Variants in POU2F1 observed in about 807,000 individuals in gnomAD.
POU2F1 encodes the protein POU domain, class 2, transcription factor 1.
Under a neutral mutation model 84.9 loss-of-function variants are expected in POU2F1, and 16 were observed. The ratio of observed to expected loss-of-function variants is 0.19; its 90% CI spans 0.13 to 0.29. The LOEUF is 0.29. POU2F1 is among the 10% of genes least tolerant of loss of function. The pLI is 1.00. For missense variants in POU2F1, 738 were observed against 942.6 expected (o/e 0.78, Z 2.84); for synonymous variants, 368 against 368.3 (o/e 1.00, Z 0.01).
rs557771674 is a variant in POU2F1, at chr1:167,414,616, G to C, written c.1991-884G>C. 6.0e-5 allele frequency: 59 copies of C among 985,368 alleles called. No individual in the cohort carries two copies. In the African/African-American group the frequency reaches 9.4e-4, roughly 16 times the overall value. 61.0% of individuals were successfully genotyped at this position (985,368 alleles called of 1,614,324 possible). A position where few individuals can be genotyped will look rare whatever the true frequency, so the allele number is the denominator to read the frequency against. The stretch of plus-strand genomic sequence containing the variant: ...CGATTATTTTAAATAAAATGTTGAT[G>C]ATGCCTTCTTTGGGGAAGCAACAGC... On this transcript the variant is annotated intron_variant, in intron 15 of 15. Transcript: ENST00000367866.
chr1:167,275,042 T>TG (rs2102480379), intron 1 of POU2F1, among the ~76,000 whole-genome samples: 1 of 150,126 alleles, frequency 6.7e-6, no homozygotes, highest in African/African-American at 2.5e-5. Context: ...ATTTTTTTTT[T>TG]TTTTTTTTTT....
rs985863998 is a variant in POU2F1 at position 167,239,077 on chromosome 1, CT to C, written c.61+18126del. ...TGGTGTAAGGTGTAACCCTGACAAA[CT>C]TTTTTTCCCCCCCAAATGGACAGCC... is the stretch of plus-strand genomic sequence containing the variant. On this transcript the variant is annotated intron_variant, in intron 1 of 15. Coordinates refer to ENST00000367866, the MANE Select transcript of POU2F1 (RefSeq NM_002697.4). Among the ~76,000 whole-genome samples, 480 of 152,222 alleles carry C rather than the reference CT, an allele frequency of 3.2e-3. 2 individuals are homozygous for C. Among genetic ancestry groups the C allele is most frequent in the African/African-American group, 0.01 (435 of 41,522 alleles).
At chr1:167,311,752 A>G (rs1655487175) in intron 1 of POU2F1, among the ~76,000 whole-genome samples, 2 of 151,172 alleles carry the variant, frequency 1.3e-5, no homozygotes, top group South Asian at 2.1e-4. Flanking sequence ...TTAAGCTACT[A>G]TGGGTTATTA....
chr1:167,416,087 T>TAAAAAAAAAAAAAAAAAAAAAAAAAAAA lies in POU2F1; in HGVS notation c.*296_*297insAAAAAAAAAAAAAAAAAAAAAAAAAAAA. 2 of 351,044 alleles carry TAAAAAAAAAAAAAAAAAAAAAAAAAAAA rather than the reference T, an allele frequency of 5.7e-6. No homozygotes were observed. The highest frequency in any genetic ancestry group is 1.6e-4 in the East Asian group (2 of 12,468). The allele number at this position is 351,044 out of a possible 1,614,324, so 21.7% of individuals were successfully genotyped here. Reference sequence around the variant, plus strand: ...ATTGGAGAACTTTCTAACCAAAAATTAAAAAAAAAAAAAAAAAAAGAAACA... The same window carrying TAAAAAAAAAAAAAAAAAAAAAAAAAAAA: ...ATTGGAGAACTTTCTAACCAAAAATTAAAAAAAAAAAAAAAAAAAAAAAAAAAAAAAAAAAAAAAAAAAAAAAGAAACA... On this transcript the variant is annotated 3_prime_UTR_variant, in exon 16 of 16. Transcript: ENST00000367866.
chr1:167,393,039 C>T (rs879508248), intron 9 of POU2F1, among the ~76,000 whole-genome samples: 19 of 152,148 alleles, frequency 1.2e-4, no homozygotes, highest in Admixed American at 1.2e-3. Context: ...GCTGTCTTTG[C>T]ATAATTAGAA....
intron 1 of POU2F1, chr1:167,329,415 G>A: frequency 4.6e-6 from 6 of 1,317,394 alleles, no homozygotes; most frequent in African/African-American, 1.5e-5. Context: ...GGCGGGGGAG[G>A]GGGAGAGTTG....
intron 2 of POU2F1, among the ~76,000 whole-genome samples, chr1:167,358,617 G>T (rs1349853276): frequency 2.0e-5 from 3 of 148,678 alleles, no homozygotes; most frequent in African/African-American, 7.4e-5. Flanking sequence ...AGTCAGTCTT[G>T]ATAAATTATA....
chr1:167,230,970 G>C (rs1571125153), intron 1 of POU2F1, among the ~76,000 whole-genome samples: 1 of 152,160 alleles, frequency 6.6e-6, no homozygotes, highest in Non-Finnish European at 1.5e-5. Context: ...AGCTCTACAG[G>C]TGATTTGATA....
At chr1:167,329,445 A>G in intron 1 of POU2F1, 2 of 961,944 alleles carry the variant, frequency 2.1e-6, no homozygotes, top group Non-Finnish European at 2.9e-6. Context: ...GGGAAGGAGG[A>G]AAGCATTTGC....
intron 2 of POU2F1, among the ~76,000 whole-genome samples, chr1:167,358,678 G>A (rs746820244): frequency 4.5e-5 from 6 of 131,926 alleles, no homozygotes; most frequent in Admixed American, 7.6e-5. Flanking sequence ...GACATGAAAC[G>A]CTTCACAATA....
intron 8 of POU2F1, among the ~76,000 whole-genome samples, chr1:167,389,192 G>A (rs1648206702): frequency 6.6e-6 from 1 of 152,162 alleles, no homozygotes; most frequent in African/African-American, 2.4e-5. Flanking sequence ...TGTAATAGTG[G>A]TAAACAAGAC....
At chr1:167,285,287 C>T (rs1030252851) in intron 1 of POU2F1, among the ~76,000 whole-genome samples, 2 of 152,108 alleles carry the variant, frequency 1.3e-5, no homozygotes, top group African/African-American at 2.4e-5. Context: ...TAAAAAATGG[C>T]GATATGTACT....
At position 167,426,685 on chromosome 1, in the gene POU2F1, C is replaced by T. The variant is rs548350106; in HGVS notation, c.*10875C>T. ...AAAGGAGGGGCACAAGGGGAATTGG[C>T]CCCCGGCCTCCTAGAACTTTTTGTT... On this transcript the variant is annotated 3_prime_UTR_variant, in exon 16 of 16. Transcript: ENST00000367866. The T allele has an allele frequency of 6.6e-6, 1 of 152,226 alleles. No homozygotes were observed. Among genetic ancestry groups the T allele is most frequent in the East Asian group, 1.9e-4 (1 of 5,182 alleles). 9.4% of individuals were successfully genotyped at this position (152,226 alleles called of 1,614,324 possible). A position where few individuals can be genotyped will look rare whatever the true frequency, so the allele number is the denominator to read the frequency against.
chr1:167,273,334 C>T (rs1038125429), intron 1 of POU2F1, among the ~76,000 whole-genome samples: 2 of 152,192 alleles, frequency 1.3e-5, no homozygotes, highest in African/African-American at 2.4e-5. Flanking sequence ...CGGTGGCCCT[C>T]TTGTCACAGC....
chr1:167,251,689 G>A (rs1376642501), intron 1 of POU2F1, among the ~76,000 whole-genome samples: 1 of 152,082 alleles, frequency 6.6e-6, no homozygotes, highest in Non-Finnish European at 1.5e-5. Flanking sequence ...TCTTGTTTGT[G>A]TGACTACATA....
At chr1:167,310,706 AGCAG>A (rs1218677525) in intron 1 of POU2F1, among the ~76,000 whole-genome samples, 1 of 152,236 alleles carries the variant, frequency 6.6e-6, no homozygotes, top group Non-Finnish European at 1.5e-5. Flanking sequence ...AGGATTTTAA[AGCAG>A]CTGTCATAAA....
At chr1:167,237,353 A>G (rs1393126359) in intron 1 of POU2F1, among the ~76,000 whole-genome samples, 1 of 152,176 alleles carries the variant, frequency 6.6e-6, no homozygotes, top group African/African-American at 2.4e-5. Context: ...TTTTTGTCCT[A>G]CTATTTGGGA....
intron 1 of POU2F1, among the ~76,000 whole-genome samples, chr1:167,262,810 G>GA (rs1651668327): frequency 6.6e-6 from 1 of 152,046 alleles, no homozygotes; most frequent in Non-Finnish European, 1.5e-5. Flanking sequence ...ATTTAAGAAA[G>GA]AAAAAAACAG....
chr1:167,323,712 A>C (rs1373042422), intron 1 of POU2F1, among the ~76,000 whole-genome samples: 1 of 151,114 alleles, frequency 6.6e-6, no homozygotes, highest in Non-Finnish European at 1.5e-5. Context: ...ATTTATTTAC[A>C]GATGGAGTTT....
Sources: gnomAD v4.1 joint callset for allele counts (sites outside exome capture counted in the v4.1 genomes callset) on GRCh38, gnomAD v4.1.1 for gene constraint, MANE v1.5 for transcripts, NCBI Gene and HGNC (gene_info 2026-07-23, HGNC 2026-07-21) for gene names.